PPP4R4: variants seen among roughly 807,000 people sequenced by gnomAD.
The protein encoded by PPP4R4 is serine/threonine-protein phosphatase 4 regulatory subunit 4.
In PPP4R4, 70 loss-of-function variants were observed where a neutral mutation model predicts 121.8. The ratio of observed to expected loss-of-function variants is 0.57; its 90% CI spans 0.47 to 0.70. The LOEUF (loss-of-function observed/expected upper bound fraction) is 0.70, where lower values mean the gene tolerates loss of function less well. Ranked by LOEUF, PPP4R4 falls within the 30% of genes least tolerant of loss-of-function variation. The pLI is 0.00. For synonymous variants in PPP4R4, 348 were observed against 355.7 expected (o/e 0.98, Z 0.24); for missense variants, 875 against 1,033.6 (o/e 0.85, Z 2.10).
At chr14:94,246,619 A>G in intron 14 of PPP4R4, 80 bp downstream of exon 14, 1 of 1,405,978 alleles carries the variant, frequency 7.1e-7, no homozygotes, top group Non-Finnish European at 9.7e-7. Context: ...TATTTTCAAA[A>G]TAGTAGAACA....
chr14:94,211,871 G>A (rs1890761991), intron 3 of PPP4R4, among the ~76,000 whole-genome samples: 1 of 152,172 alleles, frequency 6.6e-6, no homozygotes, highest in Non-Finnish European at 1.5e-5. Context: ...ATGACTTCCA[G>A]ATTTCTGGCT....
chr14:94,275,498 T>C lies in PPP4R4; in HGVS notation c.2574T>C (p.Asp858=), dbSNP rs184605135. ...ACCCCAAGAGCAGTGGAAGTAAAGA[T>C]ACACAACCACGGAAGGCTACCTTGT... The part of the protein sequence containing the change: ...SVDPKSSGSK[D]TQPRKATLKS... Residue 858 remains aspartate, a synonymous_variant, in exon 24 of 25, where the codon GAT becomes GAC. Transcript: ENST00000304338. The C allele has an allele frequency of 2.7e-5, 44 of 1,614,064 alleles. No individual in the cohort carries two copies. The highest frequency in any genetic ancestry group is 4.5e-5 in the East Asian group (2 of 44,866).
intron 2 of PPP4R4, among the ~76,000 whole-genome samples, chr14:94,176,708 A>C (rs1888698587): frequency 6.6e-6 from 1 of 152,204 alleles, no homozygotes; most frequent in African/African-American, 2.4e-5. Context: ...AAATATTTAC[A>C]AGATTTTTCT....
intron 2 of PPP4R4, among the ~76,000 whole-genome samples, chr14:94,208,008 A>T (rs919382326): frequency 6.6e-6 from 1 of 151,946 alleles, no homozygotes; most frequent in African/African-American, 2.4e-5. Flanking sequence ...TCACTGTACC[A>T]AGAGAAAGTT....
At chr14:94,273,502 G>A (rs999523143) in intron 23 of PPP4R4, among the ~76,000 whole-genome samples, 9 of 152,108 alleles carry the variant, frequency 5.9e-5, no homozygotes, top group Admixed American at 5.9e-4. Flanking sequence ...TTTTAGGGCA[G>A]TGAAAACACT....
intron 1 of PPP4R4, 110 bp from the exon 2 acceptor site, chr14:94,175,944 A>T: frequency 2.4e-6 from 2 of 844,184 alleles, no homozygotes; most frequent in Non-Finnish European, 4.0e-6. Flanking sequence ...GTTAATGCTT[A>T]ATTGTGAAAC....
In PPP4R4 at chr14:94,229,149, T is replaced by TAC. The variant is rs570770690; in HGVS notation, c.295-1436_295-1435dup. Among the ~76,000 whole-genome samples the TAC allele has an allele frequency of 5.1e-4, 77 of 152,294 alleles. 2 individuals are homozygous for TAC. The South Asian group carries it at 0.016, about 31-fold the overall frequency. On this transcript the variant is annotated intron_variant, in intron 3 of 24. Transcript: ENST00000304338. The stretch of plus-strand genomic sequence containing the variant: ...TATTTCTTAAAATAATTCCTCAGGC[T>TAC]ACAGTATAGAGAATGGATAGTAGAG...
intron 2 of PPP4R4, among the ~76,000 whole-genome samples, chr14:94,199,946 G>A (rs1166685065): frequency 6.6e-6 from 1 of 152,070 alleles, no homozygotes; most frequent in African/African-American, 2.4e-5. Context: ...GGCCAGGGTG[G>A]TCTTGGGAAA....
intron 8 of PPP4R4, among the ~76,000 whole-genome samples, chr14:94,239,305 C>G (rs1892507485): frequency 6.7e-6 from 1 of 150,322 alleles, no homozygotes; most frequent in South Asian, 2.1e-4. Context: ...CCCATTAACT[C>G]GTCATTTACA....
At chr14:94,249,910 G>T (rs1269577543) in intron 14 of PPP4R4, among the ~76,000 whole-genome samples, 1 of 152,014 alleles carries the variant, frequency 6.6e-6, no homozygotes, top group Non-Finnish European at 1.5e-5. Flanking sequence ...CATGTAAGAT[G>T]AGATGGCAAG....
chr14:94,201,546 A>G (rs1296434962), intron 2 of PPP4R4, among the ~76,000 whole-genome samples: 4 of 152,178 alleles, frequency 2.6e-5, no homozygotes, highest in Non-Finnish European at 5.9e-5. Context: ...ACTGTTGGAC[A>G]AGTCCTTTTT....
At chr14:94,204,262 A>G (rs546858589) in intron 2 of PPP4R4, among the ~76,000 whole-genome samples, 2 of 151,816 alleles carry the variant, frequency 1.3e-5, no homozygotes, top group Admixed American at 1.3e-4. Context: ...GGCATAGGTC[A>G]TGTCAGTTTT....
intron 8 of PPP4R4, among the ~76,000 whole-genome samples, chr14:94,238,175 A>T (rs1433005949): frequency 1.3e-5 from 2 of 152,236 alleles, no homozygotes; most frequent in African/African-American, 2.4e-5. Flanking sequence ...CAGGAACTTC[A>T]CCAGTCAACC....
At chr14:94,257,642 TACACACACAC>T (rs57997995) in intron 17 of PPP4R4, among the ~76,000 whole-genome samples, 6 of 146,880 alleles carry the variant, frequency 4.1e-5, no homozygotes, top group East Asian at 2.0e-4. Flanking sequence ...CATTTAAATC[TACACACACAC>T]ACACACACAC....
intron 17 of PPP4R4, among the ~76,000 whole-genome samples, chr14:94,258,205 T>C (rs1566696489): frequency 6.6e-6 from 1 of 152,208 alleles, no homozygotes; most frequent in South Asian, 2.1e-4. Context: ...TTAGGGTTAC[T>C]CTTGTAGAAT....
At chr14:94,198,809 C>A (rs539546217) in intron 2 of PPP4R4, among the ~76,000 whole-genome samples, 3 of 152,146 alleles carry the variant, frequency 2.0e-5, no homozygotes, top group Admixed American at 6.5e-5. Flanking sequence ...GTCGTTTCAC[C>A]TTTTTAAAAA....
At chr14:94,251,961 T>TA in intron 16 of PPP4R4, 65 bp downstream of exon 16, 1 of 1,360,536 alleles carries the variant, frequency 7.4e-7, no homozygotes, top group Non-Finnish European at 9.9e-7. Context: ...AGTGAACATA[T>TA]GCAAAATCTT....
intron 17 of PPP4R4, 145 bp from the exon 18 acceptor site, chr14:94,258,638 G>T: frequency 1.6e-6 from 1 of 643,160 alleles, no homozygotes; most frequent in South Asian, 1.9e-5. Flanking sequence ...TGTAGAATTG[G>T]GCAGAACTTT....
chr14:94,187,533 C>T (rs1889355865), intron 2 of PPP4R4, among the ~76,000 whole-genome samples: 1 of 152,104 alleles, frequency 6.6e-6, no homozygotes, highest in Non-Finnish European at 1.5e-5. Context: ...GTTATTAATA[C>T]ATAATCATGG....
Sources: allele counts gnomAD v4.1 joint callset (sites outside exome capture counted in the v4.1 genomes callset), GRCh38; gene constraint gnomAD v4.1.1; transcripts MANE v1.5; gene names NCBI Gene and HGNC (gene_info 2026-07-23, HGNC 2026-07-21).